Variants in FSTL4 observed in about 807,000 individuals in gnomAD.
FSTL4 encodes the protein follistatin like 4, also known as follistatin-related protein 4.
FSTL4 carries 28 observed loss-of-function variants against 78.2 expected under a neutral mutation model. The observed-to-expected ratio is 0.36, with a 90% CI of 0.27 to 0.49. The LOEUF (loss-of-function observed/expected upper bound fraction) is 0.49. Among genes scored for constraint, FSTL4 ranks in the 20% least tolerant of loss-of-function variants. The pLI is 0.98. For missense variants in FSTL4, 922 were observed against 1,084.9 expected (o/e 0.85, Z 2.11); for synonymous variants, 422 against 440.5 (o/e 0.96, Z 0.53).
At chr5:133,671,060 CTTTCTTGG>C in the FSTL4 span, among the ~76,000 whole-genome samples, 1 of 152,142 alleles carries the variant, frequency 6.6e-6, no homozygotes, top group Admixed American at 6.5e-5. Context: ...TATTCTTTTG[CTTTCTTGG>C]TTTCCTGCCT....
chr5:133,713,324 A>C, the FSTL4 span, among the ~76,000 whole-genome samples: 1 of 152,226 alleles, frequency 6.6e-6, no homozygotes, highest in Admixed American at 6.5e-5. Context: ...CCCATAAAAA[A>C]GCAAAGCAAA....
intron 3 of FSTL4, among the ~76,000 whole-genome samples, chr5:133,404,851 T>G (rs1275139470): frequency 6.6e-6 from 1 of 152,076 alleles, no homozygotes; most frequent in Non-Finnish European, 1.5e-5. Flanking sequence ...GCACAGACAG[T>G]TGGGTAATTT....
the FSTL4 span, among the ~76,000 whole-genome samples, chr5:133,617,880 T>G: frequency 6.6e-6 from 1 of 151,808 alleles, no homozygotes; most frequent in East Asian, 1.9e-4. Context: ...GGGAGGGCAT[T>G]TAGGCAGAAG....
the FSTL4 span, among the ~76,000 whole-genome samples, chr5:133,737,731 A>C: frequency 6.6e-6 from 1 of 150,412 alleles, no homozygotes; most frequent in African/African-American, 2.4e-5. Flanking sequence ...CAGCCTCCCT[A>C]GTAGCTGGGA....
At chr5:133,536,284 T>G (rs1253340695) in intron 3 of FSTL4, among the ~76,000 whole-genome samples, 3 of 152,148 alleles carry the variant, frequency 2.0e-5, no homozygotes, top group Non-Finnish European at 4.4e-5. Flanking sequence ...TCCATATTTA[T>G]CTCATTTATT....
intron 6 of FSTL4, among the ~76,000 whole-genome samples, chr5:133,257,020 A>G (rs538642861): frequency 2.6e-5 from 4 of 152,228 alleles, no homozygotes; most frequent in Admixed American, 1.3e-4. Flanking sequence ...GGCAGAGACT[A>G]TATCTGTTTT....
chr5:133,703,771 A>AAAAGT, the FSTL4 span, among the ~76,000 whole-genome samples: 1 of 152,208 alleles, frequency 6.6e-6, no homozygotes, highest in South Asian at 2.1e-4. Context: ...CTGAGGGCAC[A>AAAAGT]AAAGTAGGCC....
At chr5:133,803,213 T>C in the FSTL4 span, among the ~76,000 whole-genome samples, 1 of 152,188 alleles carries the variant, frequency 6.6e-6, no homozygotes, top group African/African-American at 2.4e-5. Context: ...GGTTTGCCTG[T>C]TGTGTACAAT....
intron 3 of FSTL4, among the ~76,000 whole-genome samples, chr5:133,546,194 C>T (rs57914271): frequency 6.6e-6 from 1 of 152,246 alleles, no homozygotes; most frequent in East Asian, 1.9e-4. Context: ...CTGGAAAATT[C>T]TCAGGCTGGC....
the FSTL4 span, among the ~76,000 whole-genome samples, chr5:133,702,215 C>T: frequency 6.6e-6 from 1 of 152,208 alleles, no homozygotes; most frequent in South Asian, 2.1e-4. Context: ...ATCACACATT[C>T]GGCATCAAAC....
chr5:133,313,334 C>T (rs1753833976), intron 5 of FSTL4, among the ~76,000 whole-genome samples: 1 of 152,172 alleles, frequency 6.6e-6, no homozygotes, highest in Non-Finnish European at 1.5e-5. Context: ...CTGAGCTTCC[C>T]CCCTGCCTGC....
At chr5:133,261,689 C>T (rs1225988174) in intron 6 of FSTL4, among the ~76,000 whole-genome samples, 2 of 152,024 alleles carry the variant, frequency 1.3e-5, no homozygotes, top group African/African-American at 2.4e-5. Flanking sequence ...AACTCCGTCT[C>T]TACTAAAAAT....
chr5:133,410,352 C>G (rs1410003692), intron 3 of FSTL4, among the ~76,000 whole-genome samples: 1 of 152,212 alleles, frequency 6.6e-6, no homozygotes, highest in Non-Finnish European at 1.5e-5. Context: ...TCCCCAGCTC[C>G]TCTGGGCTCC....
intron 6 of FSTL4, among the ~76,000 whole-genome samples, chr5:133,251,087 A>G (rs1398017229): frequency 2.0e-5 from 3 of 152,184 alleles, no homozygotes; most frequent in Admixed American, 2.0e-4. Flanking sequence ...TTCCCCCTTA[A>G]ATCAAGTTCT....
intron 3 of FSTL4, among the ~76,000 whole-genome samples, chr5:133,406,531 A>G (rs1756366670): frequency 6.6e-6 from 1 of 152,152 alleles, no homozygotes; most frequent in African/African-American, 2.4e-5. Context: ...ACTACAGGCT[A>G]CCTTGGTGAG....
At chr5:133,558,024 GCT>G (rs569052365) in intron 3 of FSTL4, among the ~76,000 whole-genome samples, 1 of 152,134 alleles carries the variant, frequency 6.6e-6, no homozygotes, top group East Asian at 1.9e-4. Context: ...CTGAACAAAT[GCT>G]CTCTCTATGT....
chr5:133,618,053 A>G, the FSTL4 span, among the ~76,000 whole-genome samples: 3 of 152,344 alleles, frequency 2.0e-5, no homozygotes, highest in South Asian at 2.1e-4. Flanking sequence ...CAAGACACTT[A>G]GTGGATGCCT....
At chr5:133,399,730 T>C (rs1342934805) in intron 4 of FSTL4, among the ~76,000 whole-genome samples, 1 of 152,214 alleles carries the variant, frequency 6.6e-6, no homozygotes, top group Non-Finnish European at 1.5e-5. Flanking sequence ...GGCAGGTGTC[T>C]AGTCCAAGCC....
intron 3 of FSTL4, among the ~76,000 whole-genome samples, chr5:133,512,287 A>T (rs1758751368): frequency 6.6e-6 from 1 of 151,878 alleles, no homozygotes; most frequent in Non-Finnish European, 1.5e-5. Context: ...CTCGATACTG[A>T]TCATACAAAT....
Sources: gnomAD v4.1 joint callset for allele counts (sites outside exome capture counted in the v4.1 genomes callset) on GRCh38, gnomAD v4.1.1 for gene constraint, MANE v1.5 for transcripts, NCBI Gene and HGNC (gene_info 2026-07-23, HGNC 2026-07-21) for gene names.